ZNF662: variants seen among roughly 807,000 people sequenced by gnomAD.
ZNF662 encodes zinc finger protein 662.
Under a neutral mutation model 12.4 loss-of-function variants are expected in ZNF662, and 14 were observed. The observed-to-expected ratio is 1.13, with a 90% CI of 0.75 to 1.77. The LOEUF is 1.77. ZNF662 is among the 40% of genes most tolerant of loss of function. The probability of loss-of-function intolerance (pLI) is 0.00; values close to 1 mark genes in which losing one functional copy is unlikely to be tolerated. For missense variants in ZNF662, 550 were observed against 515.6 expected (o/e 1.07, Z -0.65); for synonymous variants, 184 against 176.4 (o/e 1.04, Z -0.34).
chr3:42,908,262 C>T, intron 2 of ZNF662, 114 bp downstream of exon 2: 2 of 1,470,018 alleles, frequency 1.4e-6, no homozygotes, highest in Non-Finnish European at 1.8e-6. Context: ...GCTTCAGGCT[C>T]TTGGATTTTT....
At chr3:42,911,593 AAGTT>A (rs2088791655) in intron 3 of ZNF662, among the ~76,000 whole-genome samples, 2 of 152,198 alleles carry the variant, frequency 1.3e-5, no homozygotes, top group Non-Finnish European at 1.5e-5. Context: ...TGTCTTACAG[AAGTT>A]AGTACTCAGA....
chr3:42,906,436 C>G lies in ZNF662; in HGVS notation c.-94+268C>G, dbSNP rs147064390. 3.1e-3 allele frequency: 4,564 copies of G among 1,463,818 alleles called. 10 individuals are homozygous for G. Among genetic ancestry groups the G allele is most frequent in the Non-Finnish European group, 3.7e-3 (4,133 of 1,112,848 alleles). The allele number at this position is 1,463,818 out of a possible 1,614,324, so 90.7% of individuals were successfully genotyped here. ...GGGACAGCCCGCGCTGCCCCGGGCG[C>G]GCCGGGTGAGTGCGGGGCCGGAGCC... On this transcript the variant is annotated intron_variant, in intron 1 of 4. Transcript: ENST00000440367. The surrounding 1 kb of genome is among the most constrained non-coding windows in gnomAD (Gnocchi z 4.4).
In ZNF662 at chr3:42,914,397, C is replaced by T. The variant is rs751801993; in HGVS notation, c.324C>T (p.Leu108=). ...KEEIIEEAQD[L]MVLSSGPQWC... Reference sequence around the variant, plus strand: ...AAATTATTGAGGAAGCACAGGACCTCATGGTCCTATCAAGTGGACCCCAGT... The same window carrying T: ...AAATTATTGAGGAAGCACAGGACCTTATGGTCCTATCAAGTGGACCCCAGT... Residue 108 remains leucine, a synonymous_variant, in exon 5 of 5, where the codon CTC becomes CTT. Coordinates refer to ENST00000440367, the MANE Select transcript of ZNF662 (RefSeq NM_207404.4). 6 of 1,612,994 alleles carry T rather than the reference C, an allele frequency of 3.7e-6. No individual in the cohort carries two copies. Among genetic ancestry groups the T allele is most frequent in the Non-Finnish European group, 5.1e-6 (6 of 1,179,126 alleles).
At chr3:42,907,425 G>A (rs956865807) in intron 1 of ZNF662, among the ~76,000 whole-genome samples, 1 of 152,178 alleles carries the variant, frequency 6.6e-6, no homozygotes, top group African/African-American at 2.4e-5. Flanking sequence ...GAGGACAAAG[G>A]AGGAAGAGTC....
chr3:42,910,197 C>T (rs531327562), intron 3 of ZNF662, among the ~76,000 whole-genome samples: 11 of 152,098 alleles, frequency 7.2e-5, no homozygotes, highest in East Asian at 2.0e-4. Context: ...CCAAAAAATA[C>T]GAAAACCAGT....
chr3:42,919,290 T>C lies in ZNF662; in HGVS notation c.*3936T>C, dbSNP rs2088925392. Among the ~76,000 whole-genome samples the C allele has an allele frequency of 6.6e-6, 1 of 152,238 alleles. No individual in the cohort carries two copies. The highest frequency in any genetic ancestry group is 1.5e-5 in the Non-Finnish European group (1 of 68,040). On this transcript the variant is annotated 3_prime_UTR_variant, in exon 5 of 5. Transcript: ENST00000440367. ...AGTTCTCATTTTTGTTAAAAATAAATCATGATAGGACTGAGTTGTTTGCAA... is the reference window on the plus strand; with the variant it reads ...AGTTCTCATTTTTGTTAAAAATAAACCATGATAGGACTGAGTTGTTTGCAA...
intron 3 of ZNF662, chr3:42,912,012 C>T (rs547528881): frequency 6.6e-6 from 1 of 151,572 alleles, no homozygotes; most frequent in South Asian, 2.1e-4. Context: ...GATTTCACCT[C>T]CTAGGGATAG....
At position 42,908,838 on chromosome 3, in the gene ZNF662, G is replaced by C; in HGVS notation, c.80G>C (p.Arg27Pro). 6.2e-7 allele frequency: 1 copy of C among 1,614,124 alleles called. No homozygotes were observed. ...PKPALISQLERGETPWCSVPR... is the reference protein window; with the variant it reads ...PKPALISQLEPGETPWCSVPR... ...CCGGCTCTGATTTCCCAGCTGGAGC[G>C]AGGGGAAACACCCTGGTGCTCGGTT... The change falls in exon 3 of 5, where the codon CGA becomes CCA. Residue 27 changes from arginine (R) to proline (P), a missense_variant. Physicochemically the swap from Arg to Pro is moderately radical, Grantham distance 103 (BLOSUM62 -2). Coordinates refer to ENST00000440367, the MANE Select transcript of ZNF662 (RefSeq NM_207404.4).
Position 42,906,417 on chromosome 3 carries a change from G to T in ZNF662, c.-94+249G>T. 1 of 1,483,812 alleles carries T rather than the reference G, an allele frequency of 6.7e-7. No individual in the cohort carries two copies. 91.9% of individuals were successfully genotyped at this position (1,483,812 alleles called of 1,614,324 possible). On this transcript the variant is annotated intron_variant, in intron 1 of 4. Coordinates refer to ENST00000440367, the MANE Select transcript of ZNF662 (RefSeq NM_207404.4). The surrounding 1 kb of genome is among the most constrained non-coding windows in gnomAD (Gnocchi z 4.4). The stretch of plus-strand genomic sequence containing the variant: ...TTGTCCTCGAGCTGCTCCCGGGACA[G>T]CCCGCGCTGCCCCGGGCGCGCCGGG...
Position 42,915,429 on chromosome 3 carries a change from C to T in ZNF662, c.*75C>T, listed in dbSNP as rs148252792. The T allele has an allele frequency of 7.1e-7, 1 of 1,405,202 alleles. No homozygotes were observed. The highest frequency in any genetic ancestry group is 2.3e-5 in the East Asian group (1 of 43,200). The allele number at this position is 1,405,202 out of a possible 1,614,324, so 87.0% of individuals were successfully genotyped here. On this transcript the variant is annotated 3_prime_UTR_variant, in exon 5 of 5. Coordinates refer to ENST00000440367, the MANE Select transcript of ZNF662 (RefSeq NM_207404.4). ...CTAGAGACAAAATGAGATGACCATTCACAATTTGCTGTAACCCTTAACTTA... is the reference window on the plus strand; with the variant it reads ...CTAGAGACAAAATGAGATGACCATTTACAATTTGCTGTAACCCTTAACTTA...
At chr3:42,908,493 T>C in intron 2 of ZNF662, 1 of 1,237,180 alleles carries the variant, frequency 8.1e-7, no homozygotes, top group Non-Finnish European at 1.0e-6. Context: ...CTCATGAGGA[T>C]GTCTGAACTT....
chr3:42,918,136 C>G lies in ZNF662; in HGVS notation c.*2782C>G, dbSNP rs888342560. On this transcript the variant is annotated 3_prime_UTR_variant, in exon 5 of 5. Transcript: ENST00000440367. ...AAATGAAAATAATAAATAGGTGGCT[C>G]TCATGACCTAAGGTTAATTTCATGC... Among the ~76,000 whole-genome samples the G allele has an allele frequency of 6.6e-6, 1 of 152,178 alleles. No homozygotes were observed. The highest frequency in any genetic ancestry group is 1.5e-5 in the Non-Finnish European group (1 of 68,040).
chr3:42,909,390 A>G (rs1054014014), intron 3 of ZNF662, among the ~76,000 whole-genome samples: 7 of 152,146 alleles, frequency 4.6e-5, no homozygotes, highest in Admixed American at 2.0e-4. Flanking sequence ...GGGTAAGGTT[A>G]TAGATTAACA....
chr3:42,908,105 C>G lies in ZNF662; in HGVS notation c.-10C>G. ...TGGGCCCTGCTCAGAGAGCCCTGTA[C>G]AGGGATGTGATGCTGGAGAATTATG... is the stretch of plus-strand genomic sequence containing the variant. On this transcript the variant is annotated 5_prime_UTR_variant, in exon 2 of 5. Coordinates refer to ENST00000440367, the MANE Select transcript of ZNF662 (RefSeq NM_207404.4). 1 of 1,614,164 alleles carries G rather than the reference C, an allele frequency of 6.2e-7. No homozygotes were observed.
chr3:42,906,309 C>G lies in ZNF662; in HGVS notation c.-94+141C>G. On this transcript the variant is annotated intron_variant, in intron 1 of 4. Transcript: ENST00000440367. The surrounding 1 kb of genome is among the most constrained non-coding windows in gnomAD (Gnocchi z 4.4). ...TTCCGCGACCCCAACAGCCTCTGGTCCGGTCTGGCGCGCCCTCGCTTTCCC... is the reference window on the plus strand; with the variant it reads ...TTCCGCGACCCCAACAGCCTCTGGTGCGGTCTGGCGCGCCCTCGCTTTCCC... The G allele has an allele frequency of 1.3e-6, 2 of 1,519,080 alleles. No individual in the cohort carries two copies. The highest frequency in any genetic ancestry group is 1.8e-6 in the Non-Finnish European group (2 of 1,136,058). 94.1% of individuals were successfully genotyped at this position (1,519,080 alleles called of 1,614,324 possible).
rs2088722845 is a variant in ZNF662 at position 42,908,833 on chromosome 3, G to A, written c.75G>A (p.Leu25=). 1.2e-6 allele frequency: 2 copies of A among 1,614,014 alleles called. No homozygotes were observed. The highest frequency in any genetic ancestry group is 1.3e-5 in the African/African-American group (1 of 74,928). The change falls in exon 3 of 5, where the codon CTG becomes CTA. Residue 25 remains leucine, a synonymous_variant. Coordinates refer to ENST00000440367, the MANE Select transcript of ZNF662 (RefSeq NM_207404.4). ...PFPKPALISQ[L]ERGETPWCSV... is the part of the protein sequence containing the mutation. ...CCAAACCGGCTCTGATTTCCCAGCT[G>A]GAGCGAGGGGAAACACCCTGGTGCT...
At position 42,914,340 on chromosome 3, in the gene ZNF662, G is replaced by A. The variant is rs2088872358; in HGVS notation, c.267G>A (p.Lys89=). 1 of 1,601,528 alleles carries A rather than the reference G, an allele frequency of 6.2e-7. No individual in the cohort carries two copies. The highest frequency in any genetic ancestry group is 8.5e-7 in the Non-Finnish European group (1 of 1,175,864). ...TTCTTTTTTCAGAGGGTGTGTTGAA[G>A]AGGAAGAAAGAAGATTTTATTCTGA... is the stretch of plus-strand genomic sequence containing the variant. ...PSLICPEGVL[K]RKKEDFILKE... is the part of the protein sequence containing the mutation. The change falls in exon 5 of 5, where the codon AAG becomes AAA. Residue 89 remains lysine, a synonymous_variant. Transcript: ENST00000440367.
At position 42,915,023 on chromosome 3, in the gene ZNF662, C is replaced by T; in HGVS notation, c.950C>T (p.Pro317Leu). The change falls in exon 5 of 5, where the codon CCA becomes CTA. Residue 317 changes from proline (P) to leucine (L), a missense_variant. Pro to Leu is a moderately conservative substitution (Grantham distance 98, BLOSUM62 -3). Coordinates refer to ENST00000440367, the MANE Select transcript of ZNF662 (RefSeq NM_207404.4). ...KECGKSFTRN[P>L]ALLRHQRMHT... is the part of the protein sequence containing the mutation. ...TGTGGGAAAAGCTTTACTCGAAACC[C>T]AGCCCTTCTTCGACATCAGAGAATG... The T allele has an allele frequency of 6.2e-7, 1 of 1,614,026 alleles. No individual in the cohort carries two copies. The highest frequency in any genetic ancestry group is 1.3e-5 in the African/African-American group (1 of 75,012).
intron 3 of ZNF662, among the ~76,000 whole-genome samples, chr3:42,912,921 T>C (rs1575413891): frequency 1.3e-5 from 2 of 150,376 alleles, no homozygotes; most frequent in East Asian, 3.9e-4. Flanking sequence ...TTTTGTATTT[T>C]TAATGGAGAT....
Sources: gnomAD v4.1 joint callset for allele counts (sites outside exome capture counted in the v4.1 genomes callset) on GRCh38, gnomAD v4.1.1 for gene constraint, Gnocchi (gnomAD v3.1) non-coding constraint, MANE v1.5 for transcripts, NCBI Gene and HGNC (gene_info 2026-07-23, HGNC 2026-07-21) for gene names.